VAV3: variants seen among roughly 807,000 people sequenced by gnomAD.
The protein encoded by VAV3 is guanine nucleotide exchange factor VAV3.
Under a neutral mutation model 131.2 loss-of-function variants are expected in VAV3, and 94 were observed. The observed-to-expected ratio is 0.72, with a 90% CI of 0.61 to 0.85. The LOEUF is 0.85. Ranked by LOEUF, VAV3 falls within the 40% of genes least tolerant of loss-of-function variation. The pLI is 0.00. For synonymous variants in VAV3, 349 were observed against 342.0 expected (o/e 1.02, Z -0.22); for missense variants, 939 against 1,002.7 (o/e 0.94, Z 0.86).
intron 25 of VAV3, among the ~76,000 whole-genome samples, chr1:107,595,319 C>T (rs747464070): frequency 1.3e-5 from 2 of 152,002 alleles, no homozygotes; most frequent in Non-Finnish European, 2.9e-5. Context: ...GTTGTTGAAA[C>T]CCAGAGCATT....
intron 15 of VAV3, among the ~76,000 whole-genome samples, chr1:107,706,338 C>T (rs1245257543): frequency 6.6e-6 from 1 of 152,124 alleles, no homozygotes; most frequent in Non-Finnish European, 1.5e-5. Context: ...AAAAAACATT[C>T]GCAAAGGCAA....
chr1:107,693,630 A>C (rs949739151), intron 17 of VAV3, among the ~76,000 whole-genome samples: 1 of 152,206 alleles, frequency 6.6e-6, no homozygotes, highest in Non-Finnish European at 1.5e-5. Context: ...CAAATGCTTA[A>C]TAATATTTAG....
chr1:107,571,197 CAAA>C lies in VAV3; in HGVS notation c.*2131_*2133del, dbSNP rs1195355110. 6.6e-6 allele frequency: 1 copy of C among 152,656 alleles called. No homozygotes were observed. The highest frequency in any genetic ancestry group is 1.5e-5 in the Non-Finnish European group (1 of 68,050). The allele number at this position is 152,656 out of a possible 1,614,324, so 9.5% of individuals were successfully genotyped here. ...ACTATTTATTATATTGACATATTTA[CAAA>C]ATAATACAAAGTGAAATACCACTCT... On this transcript the variant is annotated 3_prime_UTR_variant, in exon 27 of 27. Transcript: ENST00000370056.
chr1:107,826,149 T>C (rs1460165224), intron 2 of VAV3, among the ~76,000 whole-genome samples: 1 of 152,116 alleles, frequency 6.6e-6, no homozygotes, highest in East Asian at 1.9e-4. Context: ...TCTACTAACT[T>C]CTACTACTTA....
chr1:107,921,171 T>A (rs1672881756), intron 1 of VAV3, among the ~76,000 whole-genome samples: 1 of 152,174 alleles, frequency 6.6e-6, no homozygotes, highest in African/African-American at 2.4e-5. Context: ...TGCAATCCCA[T>A]CCGCTCTCTC....
intron 1 of VAV3, among the ~76,000 whole-genome samples, chr1:107,890,530 C>T (rs1296775806): frequency 6.6e-6 from 1 of 152,138 alleles, no homozygotes; most frequent in Non-Finnish European, 1.5e-5. Flanking sequence ...TCACCATACA[C>T]ACTATTTCTG....
intron 1 of VAV3, among the ~76,000 whole-genome samples, chr1:107,887,885 T>C (rs1671112979): frequency 6.6e-6 from 1 of 152,202 alleles, no homozygotes; most frequent in African/African-American, 2.4e-5. Context: ...TTCTGCTTTG[T>C]CATTTTTGTG....
chr1:107,589,823 CGAA>C (rs1558070285), intron 25 of VAV3, among the ~76,000 whole-genome samples: 1 of 151,898 alleles, frequency 6.6e-6, no homozygotes, highest in East Asian at 1.9e-4. Flanking sequence ...GGAACCTGTA[CGAA>C]GGAGATAATA....
At chr1:107,722,838 C>T (rs374148954) in intron 15 of VAV3, among the ~76,000 whole-genome samples, 1 of 25,272 alleles carries the variant, frequency 4.0e-5, no homozygotes, top group African/African-American at 8.9e-5. Flanking sequence ...CTATTATCCT[C>T]TCTTTTTTTT....
intron 2 of VAV3, among the ~76,000 whole-genome samples, chr1:107,804,005 TAGGC>T (rs1368896105): frequency 2.6e-5 from 4 of 152,098 alleles, no homozygotes; most frequent in African/African-American, 7.2e-5. Context: ...CCTTCTCTAT[TAGGC>T]AGAGTCTAAA....
chr1:107,755,464 C>A lies in VAV3; in HGVS notation c.1136G>T (p.Arg379Leu), dbSNP rs35313815. The change falls in exon 12 of 27, where the codon CGT becomes CTT. Residue 379 changes from arginine to leucine, a missense_variant. Arg to Leu is a moderately radical substitution (Grantham distance 102). Transcript: ENST00000370056. ...NEVKRDNETLREIKQFQLSIE... is the reference protein window; with the variant it reads ...NEVKRDNETLLEIKQFQLSIE... ...AGATAGCTGAAACTGTTTAATTTCA[C>A]GAAGGGTCTCATTATCTCTTTTCAC... 283 of 1,613,500 alleles carry A rather than the reference C, an allele frequency of 1.8e-4. No homozygotes were observed. Among genetic ancestry groups the A allele is most frequent in the Non-Finnish European group, 2.3e-4 (277 of 1,179,686 alleles).
At chr1:107,758,507 A>G (rs1664239913) in intron 10 of VAV3, among the ~76,000 whole-genome samples, 1 of 152,166 alleles carries the variant, frequency 6.6e-6, no homozygotes, top group African/African-American at 2.4e-5. Context: ...AACTGCAGTG[A>G]GCCATGACTA....
chr1:107,573,999 C>A, intron 26 of VAV3, 48 bp downstream of exon 26: 1 of 1,601,314 alleles, frequency 6.2e-7, no homozygotes, highest in South Asian at 1.1e-5. Context: ...AACAACTGCT[C>A]AGTCCCCTTC....
At chr1:107,755,387 T>C (rs749795085) in intron 12 of VAV3, 40 bp downstream of exon 12, 6 of 1,396,538 alleles carry the variant, frequency 4.3e-6, no homozygotes, top group Non-Finnish European at 5.1e-6. Flanking sequence ...GTCGTTGATG[T>C]GGGGGTGAGG....
At chr1:107,904,433 C>T (rs577938621) in intron 1 of VAV3, among the ~76,000 whole-genome samples, 1 of 152,304 alleles carries the variant, frequency 6.6e-6, no homozygotes, top group East Asian at 1.9e-4. Flanking sequence ...ACAAAAATCA[C>T]CAACGACCTC....
chr1:107,929,412 A>C (rs990942096), intron 1 of VAV3, among the ~76,000 whole-genome samples: 17 of 152,238 alleles, frequency 1.1e-4, no homozygotes, highest in African/African-American at 4.1e-4. Context: ...TCAACACCAG[A>C]CCTGTCCTAC....
At chr1:107,716,758 G>A (rs569863144) in intron 15 of VAV3, among the ~76,000 whole-genome samples, 68 of 152,292 alleles carry the variant, frequency 4.5e-4, no homozygotes, top group Admixed American at 4.3e-3. Context: ...CTCATAAAAT[G>A]AGTTAGGGAG....
In VAV3 at chr1:107,612,338, G is replaced by A. The variant is rs150726279; in HGVS notation, c.1981-2373C>T. On this transcript the variant is annotated intron_variant, in intron 21 of 26. Coordinates refer to ENST00000370056, the MANE Select transcript of VAV3 (RefSeq NM_006113.5). ...CATCCTTTTTTTGAGAAATTTCTAA[G>A]AGGATAGTAATTTTCTCTCACAACT... Among the ~76,000 whole-genome samples the A allele has an allele frequency of 3.1e-3, 472 of 152,132 alleles. 3 individuals carry two copies. Among genetic ancestry groups the A allele is most frequent in the African/African-American group, 0.01 (421 of 41,538 alleles).
intron 19 of VAV3, among the ~76,000 whole-genome samples, chr1:107,661,530 C>T (rs2101626675): frequency 1.3e-5 from 2 of 152,172 alleles, no homozygotes; most frequent in Middle Eastern, 6.8e-3. Flanking sequence ...TTTGCTTTCT[C>T]CCCACTTGAA....
Sources: allele counts gnomAD v4.1 joint callset (sites outside exome capture counted in the v4.1 genomes callset), GRCh38; gene constraint gnomAD v4.1.1; transcripts MANE v1.5; gene names NCBI Gene and HGNC (gene_info 2026-07-23, HGNC 2026-07-21).